CASR: variants seen among roughly 807,000 people sequenced by gnomAD.
CASR encodes extracellular calcium-sensing receptor.
A neutral mutation model predicts 69.1 loss-of-function variants in CASR; 23 were observed. The observed-to-expected ratio is 0.33, with a 90% CI of 0.24 to 0.47. The LOEUF is 0.47. Among genes scored for constraint, CASR ranks in the 20% least tolerant of loss-of-function variants. CASR has a pLI of 1.00. For missense variants in CASR, 924 were observed against 1,356.1 expected (o/e 0.68, Z 5.00); for synonymous variants, 541 against 544.7 (o/e 0.99, Z 0.10).
At chr3:122,201,674 G>A (rs1320722121) in intron 1 of CASR, among the ~76,000 whole-genome samples, 1 of 75,828 alleles carries the variant, frequency 1.3e-5, no homozygotes, top group African/African-American at 4.1e-5. Context: ...CCAGGCGGGG[G>A]CTGACCCCCA....
In CASR at chr3:122,261,808, T is replaced by A; in HGVS notation, c.773T>A (p.Val258Glu). The change falls in exon 4 of 7, where the codon GTG (valine) becomes GAG (glutamate). Residue 258 changes from valine (V) to glutamate (E), a missense_variant. By Grantham distance (121) the Val-to-Glu change is moderately radical. This residue lies in a region of CASR where 310 missense variants were observed against 395.7 expected (regional missense o/e 0.78). Transcript: ENST00000639785. ...DEEEIQHVVE[V>E]IQNSTAKVIV... ...GAAGAGATCCAGCATGTGGTAGAGG[T>A]GATTCAAAATTCCACGGCCAAAGTC... 6.2e-7 allele frequency: 1 copy of A among 1,614,140 alleles called. No homozygotes were observed. The highest frequency in any genetic ancestry group is 8.5e-7 in the Non-Finnish European group (1 of 1,180,010).
At position 122,290,088 on chromosome 3, in the gene CASR, A is replaced by T. The variant is rs954452923; in HGVS notation, c.*4897A>T. On this transcript the variant is annotated 3_prime_UTR_variant, in exon 7 of 7. Coordinates refer to ENST00000639785, the MANE Select transcript of CASR (RefSeq NM_000388.4). ...ACAGAGCAAGACCCTGCCAAAAAAA[A>T]AAAAAAAGAAGAAGAAAAACAATTT... 1 of 150,914 alleles carries T rather than the reference A, an allele frequency of 6.6e-6. No homozygotes were observed. The highest frequency in any genetic ancestry group is 2.4e-5 in the African/African-American group (1 of 41,340). 9.3% of individuals were successfully genotyped at this position (150,914 alleles called of 1,614,324 possible).
Position 122,284,000 on chromosome 3 carries a change from G to A in CASR, c.2046G>A (p.Pro682=), listed in dbSNP as rs760450976. The A allele has an allele frequency of 1.1e-5, 17 of 1,613,700 alleles. 1 individual carries two copies. Among genetic ancestry groups the A allele is most frequent in the South Asian group, 5.5e-5 (5 of 91,076 alleles). The change falls in exon 7 of 7, where the codon CCG becomes CCA. Residue 682 remains proline, a synonymous_variant. Transcript: ENST00000639785. ...ACTGGACGTGCCGCCTGCGCCAGCC[G>A]GCCTTTGGCATCAGCTTCGTGCTCT... The part of the protein sequence containing the change: ...PQDWTCRLRQ[P]AFGISFVLCI...
chr3:122,203,956 C>T (rs905297012), intron 1 of CASR, among the ~76,000 whole-genome samples: 3 of 151,606 alleles, frequency 2.0e-5, no homozygotes, highest in Admixed American at 6.6e-5. Context: ...TCCGTTTTTT[C>T]ATTTTTTTTA....
At chr3:122,185,827 A>G (rs2073774101) in intron 1 of CASR, among the ~76,000 whole-genome samples, 1 of 152,206 alleles carries the variant, frequency 6.6e-6, no homozygotes, top group Admixed American at 6.5e-5. Context: ...GGTGGACAAA[A>G]GGGGAGGGGA....
intron 1 of CASR, among the ~76,000 whole-genome samples, chr3:122,228,453 C>T (rs141636521): frequency 2.2e-3 from 339 of 152,284 alleles, no homozygotes; most frequent in African/African-American, 7.2e-3. Flanking sequence ...ACTTGTGGAA[C>T]GTGGAAATGC....
At chr3:122,255,363 A>G (rs976924616) in intron 2 of CASR, among the ~76,000 whole-genome samples, 87 of 152,342 alleles carry the variant, frequency 5.7e-4, no homozygotes, top group Middle Eastern at 3.4e-3. Flanking sequence ...TCTTCCCAAT[A>G]GCTGGAAAAT....
rs1040223901 is a variant in CASR at position 122,183,735 on chromosome 3, G to A, written c.-320G>A. 7 of 152,292 alleles carry A rather than the reference G, an allele frequency of 4.6e-5. No homozygotes were observed. The highest frequency in any genetic ancestry group is 1.0e-4 in the Non-Finnish European group (7 of 68,098). 9.4% of individuals were successfully genotyped at this position (152,292 alleles called of 1,614,324 possible). Reference sequence around the variant, plus strand: ...GGACCGCACGCCCTTTCGCGCAGGAGAGTGGAAGGAGGGAGCTGTTTGCCA... The same window carrying A: ...GGACCGCACGCCCTTTCGCGCAGGAAAGTGGAAGGAGGGAGCTGTTTGCCA... On this transcript the variant is annotated 5_prime_UTR_variant, in exon 1 of 7. Coordinates refer to ENST00000639785, the MANE Select transcript of CASR (RefSeq NM_000388.4).
chr3:122,200,493 C>T (rs1054933890), intron 1 of CASR, among the ~76,000 whole-genome samples: 1 of 152,036 alleles, frequency 6.6e-6, no homozygotes, highest in African/African-American at 2.4e-5. Flanking sequence ...TGGAGTCATG[C>T]TCTTTGCACT....
rs1387068155 is a variant in CASR at position 122,289,061 on chromosome 3, T to C, written c.*3870T>C. 7 of 152,216 alleles carry C rather than the reference T, an allele frequency of 4.6e-5. No homozygotes were observed. The allele number at this position is 152,216 out of a possible 1,614,324, so 9.4% of individuals were successfully genotyped here. On this transcript the variant is annotated 3_prime_UTR_variant, in exon 7 of 7. Coordinates refer to ENST00000639785, the MANE Select transcript of CASR (RefSeq NM_000388.4). Reference sequence around the variant, plus strand: ...CTACCTCTGTCTCCAAAAGGCACATTTCAAGGCAATGTTGTCTGTCGTTTT... The same window carrying C: ...CTACCTCTGTCTCCAAAAGGCACATCTCAAGGCAATGTTGTCTGTCGTTTT...
chr3:122,238,077 C>G (rs1460811969), intron 1 of CASR, among the ~76,000 whole-genome samples: 1 of 152,184 alleles, frequency 6.6e-6, no homozygotes, highest in Non-Finnish European at 1.5e-5. Flanking sequence ...AAAAAAGCAC[C>G]ATCAAAAGAA....
chr3:122,185,549 A>G (rs529087275), intron 1 of CASR, among the ~76,000 whole-genome samples: 8 of 152,390 alleles, frequency 5.2e-5, no homozygotes, highest in African/African-American at 1.9e-4. Context: ...GGATCTTCCA[A>G]GTGCAGTTTA....
intron 5 of CASR, among the ~76,000 whole-genome samples, chr3:122,278,318 G>T (rs570400823): frequency 6.6e-6 from 1 of 152,176 alleles, no homozygotes; most frequent in African/African-American, 2.4e-5. Context: ...TGAAGTTGAT[G>T]ACACTGAGGT....
At chr3:122,225,132 A>C (rs2107604356) in intron 1 of CASR, among the ~76,000 whole-genome samples, 1 of 152,286 alleles carries the variant, frequency 6.6e-6, no homozygotes. Flanking sequence ...AAACCTAGGA[A>C]ATAACATTCT....
chr3:122,220,830 T>C (rs989520015), intron 1 of CASR, among the ~76,000 whole-genome samples: 1 of 152,070 alleles, frequency 6.6e-6, no homozygotes, highest in Non-Finnish European at 1.5e-5. Context: ...AAAAATTAGC[T>C]GGCTGTGGTG....
In CASR at chr3:122,287,845, A is replaced by T. The variant is rs2074983476; in HGVS notation, c.*2654A>T. On this transcript the variant is annotated 3_prime_UTR_variant, in exon 7 of 7. Transcript: ENST00000639785. ...AGAAATCACTGGCAGCCTCACTTTCATGTCTACTTGACTGCTGTCTCCCCA... is the reference window on the plus strand; with the variant it reads ...AGAAATCACTGGCAGCCTCACTTTCTTGTCTACTTGACTGCTGTCTCCCCA... 6.6e-6 allele frequency: 1 copy of T among 152,180 alleles called. No homozygotes were observed. Among genetic ancestry groups the T allele is most frequent in the Admixed American group, 6.5e-5 (1 of 15,282 alleles). The allele number at this position is 152,180 out of a possible 1,614,324, so 9.4% of individuals were successfully genotyped here.
intron 1 of CASR, among the ~76,000 whole-genome samples, chr3:122,199,986 C>T (rs576143156): frequency 4.6e-5 from 7 of 152,216 alleles, no homozygotes; most frequent in South Asian, 4.1e-4. Context: ...TGGCTCACCA[C>T]AACCTCCGCC....
chr3:122,241,342 G>C (rs1298954023), intron 1 of CASR, among the ~76,000 whole-genome samples: 1 of 151,944 alleles, frequency 6.6e-6, no homozygotes, highest in Non-Finnish European at 1.5e-5. Flanking sequence ...AGATGAAAAA[G>C]GAGACATTAC....
chr3:122,207,227 G>A (rs1053974628), intron 1 of CASR, among the ~76,000 whole-genome samples: 1 of 151,978 alleles, frequency 6.6e-6, no homozygotes, highest in African/African-American at 2.4e-5. Context: ...ACAACAAGTA[G>A]AGGACTTTAA....
Sources: allele counts gnomAD v4.1 joint callset (sites outside exome capture counted in the v4.1 genomes callset), GRCh38; gene constraint gnomAD v4.1.1; regional missense constraint gnomAD v4.1.1; transcripts MANE v1.5; gene names NCBI Gene and HGNC (gene_info 2026-07-23, HGNC 2026-07-21).